The following C6orf62 variants were observed in gnomAD, a reference collection of about 807,000 sequenced individuals.
C6orf62 encodes the protein chromosome 6 open reading frame 62, also known as uncharacterized protein C6orf62.
In C6orf62, 16 loss-of-function variants were observed where a neutral mutation model predicts 26.8. The ratio of observed to expected loss-of-function variants is 0.60; its 90% CI spans 0.40 to 0.91. The LOEUF is 0.91. Among genes scored for constraint, C6orf62 ranks in the 40% least tolerant of loss-of-function variants. C6orf62 has a pLI of 0.00. For synonymous variants in C6orf62, 112 were observed against 91.5 expected, an observed-to-expected ratio of 1.22 and a Z score of -1.28; for missense variants, 192 against 271.4, an observed-to-expected ratio of 0.71 and a Z score of 2.06.
chr6:24,709,640 T>G, intron 3 of C6orf62: 1 of 985,448 alleles, frequency 1.0e-6, no homozygotes, highest in Non-Finnish European at 1.2e-6. Flanking sequence ...TTCCCACAGT[T>G]AGCCTTGGGT....
At chr6:24,720,712 G>A (rs1779341322), upstream of C6orf62, 1 of 152,434 alleles carries the variant, frequency 6.6e-6, no homozygotes, top group Non-Finnish European at 1.5e-5. Flanking sequence ...GAGACCCGGA[G>A]GGGGGAAAAG....
At chr6:24,716,087 G>T in intron 2 of C6orf62, 61 bp downstream of exon 2, 2 of 1,410,874 alleles carry the variant, frequency 1.4e-6, no homozygotes, top group South Asian at 1.2e-5. Context: ...TTCGGGGGGC[G>T]GGGAAATGCA....
intron 3 of C6orf62, chr6:24,709,572 C>T: frequency 1.0e-6 from 1 of 985,068 alleles, no homozygotes; most frequent in Non-Finnish European, 1.2e-6. Flanking sequence ...AAATGTAAAG[C>T]CCACAACTGA....
chr6:24,716,851 G>C lies in C6orf62; in HGVS notation c.130-527C>G, dbSNP rs541973489. On this transcript the variant is annotated intron_variant, in intron 1 of 4. Coordinates refer to ENST00000378119, the MANE Select transcript of C6orf62 (RefSeq NM_030939.5). ...GGGATCTCCTGCCTCAGCCTCTCGAGTAGCTGGGATTACAGGCCTGCGCCA... is the reference window on the plus strand; with the variant it reads ...GGGATCTCCTGCCTCAGCCTCTCGACTAGCTGGGATTACAGGCCTGCGCCA... Among the ~76,000 whole-genome samples, 123 of 152,084 alleles carry C rather than the reference G, an allele frequency of 8.1e-4. 1 individual carries two copies. The highest frequency in any genetic ancestry group is 2.8e-3 in the African/African-American group (115 of 41,498).
chr6:24,707,754 A>G (rs1779037237), intron 4 of C6orf62, among the ~76,000 whole-genome samples: 2 of 152,116 alleles, frequency 1.3e-5, no homozygotes, highest in Non-Finnish European at 2.9e-5. Flanking sequence ...CTGTAATCCC[A>G]GCACTTTGGT....
At position 24,706,080 on chromosome 6, in the gene C6orf62, C is replaced by G; in HGVS notation, c.*57G>C. Reference sequence around the variant, plus strand: ...CTGAAAGAATAAAGTGGTAAGAAAACAAGAAAAAAAACTGCTGCTGCATTC... The same window carrying G: ...CTGAAAGAATAAAGTGGTAAGAAAAGAAGAAAAAAAACTGCTGCTGCATTC... On this transcript the variant is annotated 3_prime_UTR_variant, in exon 5 of 5. Transcript: ENST00000378119. 1 of 1,592,082 alleles carries G rather than the reference C, an allele frequency of 6.3e-7. No individual in the cohort carries two copies. Among genetic ancestry groups the G allele is most frequent in the Non-Finnish European group, 8.6e-7 (1 of 1,166,622 alleles).
intron 3 of C6orf62, among the ~76,000 whole-genome samples, chr6:24,711,762 G>A (rs1779126087): frequency 1.3e-5 from 2 of 152,158 alleles, no homozygotes; most frequent in Admixed American, 1.3e-4. Context: ...AACTGAGTGA[G>A]TTATATTTAA....
intron 1 of C6orf62, 58 bp downstream of exon 1, chr6:24,718,482 A>G (rs979638187): frequency 6.7e-7 from 1 of 1,484,016 alleles, no homozygotes; most frequent in Non-Finnish European, 9.3e-7. Flanking sequence ...AGAGTAACAA[A>G]TAATATACAC....
intron 1 of C6orf62, among the ~76,000 whole-genome samples, chr6:24,718,110 T>C (rs1360828730): frequency 1.3e-5 from 2 of 152,184 alleles, no homozygotes; most frequent in Admixed American, 1.3e-4. Context: ...AGAGAAAAGG[T>C]TACCTACATT....
At chr6:24,717,691 G>A (rs1021369232) in intron 1 of C6orf62, among the ~76,000 whole-genome samples, 2 of 152,184 alleles carry the variant, frequency 1.3e-5, no homozygotes, top group African/African-American at 2.4e-5. Context: ...ATACTTAATA[G>A]ATACCACACT....
At chr6:24,719,971 G>GA (rs1381004148), upstream of C6orf62, 1 of 1,541,428 alleles carries the variant, frequency 6.5e-7, no homozygotes, top group Non-Finnish European at 8.7e-7. Context: ...TTCAGTGGGG[G>GA]AAAAAAAGAA....
chr6:24,715,479 A>G (rs1482573457), intron 2 of C6orf62, among the ~76,000 whole-genome samples: 1 of 152,246 alleles, frequency 6.6e-6, no homozygotes, highest in African/African-American at 2.4e-5. Context: ...TGTTTTACTC[A>G]AGGTCAAGTT....
In C6orf62 at chr6:24,718,787, A is replaced by G; in HGVS notation, c.-119T>C. On this transcript the variant is annotated 5_prime_UTR_variant, in exon 1 of 5. Transcript: ENST00000378119. ...TTTTTTCCTGCTAATATGATTGATT[A>G]GCGAAAATCACGACTATAACCCAAA... 6.4e-7 allele frequency: 1 copy of G among 1,556,290 alleles called. No homozygotes were observed. The highest frequency in any genetic ancestry group is 8.6e-7 in the Non-Finnish European group (1 of 1,161,228).
chr6:24,715,827 C>T (rs938357281), intron 2 of C6orf62, among the ~76,000 whole-genome samples: 3 of 117,730 alleles, frequency 2.5e-5, no homozygotes, highest in African/African-American at 3.5e-5. Context: ...CTAGCCTCAG[C>T]GAAAGAGCAA....
intron 1 of C6orf62, among the ~76,000 whole-genome samples, chr6:24,716,837 C>T (rs1323954522): frequency 4.6e-5 from 7 of 152,058 alleles, no homozygotes; most frequent in Non-Finnish European, 1.0e-4. Flanking sequence ...GGATCTCCTG[C>T]CTCAGCCTCT....
rs1779295873 is a variant in C6orf62 at position 24,718,966 on chromosome 6, T to C, written c.-298A>G. On this transcript the variant is annotated 5_prime_UTR_variant, in exon 1 of 5. Coordinates refer to ENST00000378119, the MANE Select transcript of C6orf62 (RefSeq NM_030939.5). ...AAAGAGGAGAAAATAACTAACTTTC[T>C]GGAAAACACATTTGGCTTAACTGCC... The C allele has an allele frequency of 1.8e-5, 21 of 1,174,210 alleles. No individual in the cohort carries two copies. Among genetic ancestry groups the C allele is most frequent in the Non-Finnish European group, 2.1e-5 (20 of 946,600 alleles). 72.7% of individuals were successfully genotyped at this position (1,174,210 alleles called of 1,614,324 possible).
Position 24,705,109 on chromosome 6 carries a change from T to C in C6orf62, c.*1028A>G, listed in dbSNP as rs1335565558. Reference sequence around the variant, plus strand: ...AAACCTATACAGTAGTCTTTCCTTATGTTCATTGCACAAAATGAGTTCTGC... The same window carrying C: ...AAACCTATACAGTAGTCTTTCCTTACGTTCATTGCACAAAATGAGTTCTGC... On this transcript the variant is annotated 3_prime_UTR_variant, in exon 5 of 5. Transcript: ENST00000378119. 1 of 152,388 alleles carries C rather than the reference T, an allele frequency of 6.6e-6. No individual in the cohort carries two copies. Among genetic ancestry groups the C allele is most frequent in the African/African-American group, 2.4e-5 (1 of 41,442 alleles). 9.4% of individuals were successfully genotyped at this position (152,388 alleles called of 1,614,324 possible).
chr6:24,718,320 T>A (rs1468326394), intron 1 of C6orf62, among the ~76,000 whole-genome samples: 1 of 152,198 alleles, frequency 6.6e-6, no homozygotes, highest in Non-Finnish European at 1.5e-5. Flanking sequence ...AGCTTCAGAC[T>A]CAAATTTATT....
At chr6:24,720,167 G>A (rs1048000147), upstream of C6orf62, 1 of 1,358,730 alleles carries the variant, frequency 7.4e-7, no homozygotes, top group Non-Finnish European at 9.4e-7. Context: ...GGGCGGGGTG[G>A]GTGACGGGGA....
Sources: allele counts gnomAD v4.1 joint callset (sites outside exome capture counted in the v4.1 genomes callset), GRCh38; gene constraint gnomAD v4.1.1; transcripts MANE v1.5; gene names NCBI Gene and HGNC (gene_info 2026-07-23, HGNC 2026-07-21).